Variants in OR4C13 observed in about 807,000 individuals in gnomAD.
The protein encoded by OR4C13 is olfactory receptor family 4 subfamily C member 13, also known as olfactory receptor 4C13.
In OR4C13, 23 loss-of-function variants were observed where a neutral mutation model predicts 14.7. That is an observed-to-expected ratio of 1.57 (90% CI 1.13 to 2.22). OR4C13 has a LOEUF of 2.22. Among genes scored for constraint, OR4C13 ranks in the 30% most tolerant of loss-of-function variants. OR4C13 has a pLI of 0.00. For synonymous variants in OR4C13, 178 were observed against 135.5 expected (o/e 1.31, Z -2.18); for missense variants, 504 against 368.6 (o/e 1.37, Z -3.01).
In OR4C13 at chr11:49,953,150, C is replaced by A. The variant is rs1223336473; in HGVS notation, c.728C>A (p.Thr243Lys). Residue 243 changes from threonine to lysine, a missense_variant, in exon 1 of 1, where the codon ACA becomes AAA. Coordinates refer to ENST00000555099, the MANE Select transcript of OR4C13 (RefSeq NM_001001955.2). ...CTCTCTACCTGTGTCTCCCACATCA[C>A]AGTTGTCATCTTATCCTTTATACCC... The part of the protein sequence containing the change: ...EALSTCVSHI[T>K]VVILSFIPCI... 6.2e-7 allele frequency: 1 copy of A among 1,613,774 alleles called. No homozygotes were observed. The highest frequency in any genetic ancestry group is 8.5e-7 in the Non-Finnish European group (1 of 1,179,702).
In OR4C13 at chr11:49,952,999, C is replaced by A; in HGVS notation, c.577C>A (p.Leu193Ile). 1 of 1,613,820 alleles carries A rather than the reference C, an allele frequency of 6.2e-7. No homozygotes were observed. Among genetic ancestry groups the A allele is most frequent in the Non-Finnish European group, 8.5e-7 (1 of 1,179,754 alleles). ...TCTTGCCTGCACTAATACCCACACT[C>A]TAGGACTCTTCATTGCTGCCAACAG... ...INLACTNTHTLGLFIAANSGF... is the reference protein window; with the variant it reads ...INLACTNTHTIGLFIAANSGF... The change falls in exon 1 of 1, where the codon CTA becomes ATA. Residue 193 changes from leucine (L) to isoleucine (I), a missense_variant. Leu to Ile is a conservative substitution (Grantham distance 5). Coordinates refer to ENST00000555099, the MANE Select transcript of OR4C13 (RefSeq NM_001001955.2).
rs781828746 is a variant in OR4C13, at chr11:49,952,937, T to C, written c.515T>C (p.Ile172Thr). ...CQLPFCGPNV[I>T]DHFMCDLYTL... Reference sequence around the variant, plus strand: ...TTACCTTTCTGTGGTCCTAATGTCATAGATCACTTTATGTGTGATCTCTAC... The same window carrying C: ...TTACCTTTCTGTGGTCCTAATGTCACAGATCACTTTATGTGTGATCTCTAC... The change falls in exon 1 of 1, where the codon ATA (isoleucine) becomes ACA (threonine). Residue 172 changes from isoleucine (I) to threonine (T), a missense_variant. Coordinates refer to ENST00000555099, the MANE Select transcript of OR4C13 (RefSeq NM_001001955.2). 1 of 1,613,826 alleles carries C rather than the reference T, an allele frequency of 6.2e-7. No homozygotes were observed.
rs1565189579 is a variant in OR4C13, at chr11:49,952,569, C to T, written c.147C>T (p.Ala49=). The T allele has an allele frequency of 3.1e-6, 5 of 1,613,856 alleles. No individual in the cohort carries two copies. Among genetic ancestry groups the T allele is most frequent in the Non-Finnish European group, 4.2e-6 (5 of 1,179,804 alleles). ...TGCTCATTGTGGTCACCATCACTGC[C>T]AGCCCATCACTGAGATCCCCCATGT... ...GNVLIVVTIT[A]SPSLRSPMYF... Residue 49 remains alanine, a synonymous_variant, in exon 1 of 1, where the codon GCC becomes GCT. Transcript: ENST00000555099.
chr11:49,953,167 T>C lies in OR4C13; in HGVS notation c.745T>C (p.Phe249Leu), dbSNP rs186324549. Residue 249 changes from phenylalanine (F) to leucine (L), a missense_variant, in exon 1 of 1, where the codon TTT (phenylalanine) becomes CTT (leucine). Coordinates refer to ENST00000555099, the MANE Select transcript of OR4C13 (RefSeq NM_001001955.2). Reference sequence around the variant, plus strand: ...CCACATCACAGTTGTCATCTTATCCTTTATACCCTGCATATTTGTGTACAT... The same window carrying C: ...CCACATCACAGTTGTCATCTTATCCCTTATACCCTGCATATTTGTGTACAT... ...VSHITVVILSFIPCIFVYMRP... is the reference protein window; with the variant it reads ...VSHITVVILSLIPCIFVYMRP... 1.2e-6 allele frequency: 2 copies of C among 1,613,828 alleles called. No individual in the cohort carries two copies. Among genetic ancestry groups the C allele is most frequent in the East Asian group, 2.2e-5 (1 of 44,868 alleles).
rs373230064 is a variant in OR4C13, at chr11:49,953,084, A to G, written c.662A>G (p.Tyr221Cys). Residue 221 changes from tyrosine to cysteine, a missense_variant, in exon 1 of 1, where the codon TAC (tyrosine) becomes TGC (cysteine). By Grantham distance (194) the Tyr-to-Cys change is radical. Coordinates refer to ENST00000555099, the MANE Select transcript of OR4C13 (RefSeq NM_001001955.2). ...LLLVSCVVILYSLKTHSLEAR... is the reference protein window; with the variant it reads ...LLLVSCVVILCSLKTHSLEAR... ...CTGGTCTCCTGCGTGGTCATACTGT[A>G]CTCCTTAAAGACCCACAGCTTAGAG... The G allele has an allele frequency of 6.2e-7, 1 of 1,613,380 alleles. No homozygotes were observed. Among genetic ancestry groups the G allele is most frequent in the South Asian group, 1.1e-5 (1 of 91,052 alleles).
rs1853669117 is a variant in OR4C13 at position 49,953,245 on chromosome 11, AT to A, written c.824del (p.Met275ArgfsTer2). ...IDKAVAVFYTMITSMLNPLIY... is the reference protein window; with the variant it reads ...IDKAVAVFYTXITSMLNPLIY... ...TAAAGCAGTTGCTGTATTCTACACT[AT>A]GATAACTTCTATGTTAAACCCCTTA... On this transcript the variant is annotated frameshift_variant, in exon 1 of 1. Coordinates refer to ENST00000555099, the MANE Select transcript of OR4C13 (RefSeq NM_001001955.2). LOFTEE classifies it high-confidence loss of function. 1 of 1,611,080 alleles carries A rather than the reference AT, an allele frequency of 6.2e-7. No individual in the cohort carries two copies. The highest frequency in any genetic ancestry group is 8.5e-7 in the Non-Finnish European group (1 of 1,178,502).
rs782320907 is a variant in OR4C13 at position 49,952,891 on chromosome 11, C to A, written c.469C>A (p.Gln157Lys). 1.9e-6 allele frequency: 3 copies of A among 1,613,854 alleles called. No homozygotes were observed. The highest frequency in any genetic ancestry group is 2.5e-6 in the Non-Finnish European group (3 of 1,179,790). Residue 157 changes from glutamine to lysine, a missense_variant, in exon 1 of 1, where the codon CAG becomes AAG. Transcript: ENST00000555099. ...AGGAGGCTTTCTTCATGCAACCATA[C>A]AGATCCTCTTCATCTGTCAATTACC... ...WVGGFLHATI[Q>K]ILFICQLPFC...
At position 49,953,068 on chromosome 11, in the gene OR4C13, T is replaced by C. The variant is rs782355634; in HGVS notation, c.646T>C (p.Cys216Arg). ...LLNCLLLLVS[C>R]VVILYSLKTH... ...AAACTGTCTCTTGCTCCTGGTCTCC[T>C]GCGTGGTCATACTGTACTCCTTAAA... is the stretch of plus-strand genomic sequence containing the variant. Residue 216 changes from cysteine to arginine, a missense_variant, in exon 1 of 1, where the codon TGC (cysteine) becomes CGC (arginine). Transcript: ENST00000555099. 2 of 1,613,952 alleles carry C rather than the reference T, an allele frequency of 1.2e-6. No homozygotes were observed. Among genetic ancestry groups the C allele is most frequent in the Non-Finnish European group, 1.7e-6 (2 of 1,179,864 alleles).
chr11:49,952,928 C>T lies in OR4C13; in HGVS notation c.506C>T (p.Pro169Leu), dbSNP rs782771140. The part of the protein sequence containing the change: ...LFICQLPFCG[P>L]NVIDHFMCDL... ...ATCTGTCAATTACCTTTCTGTGGTC[C>T]TAATGTCATAGATCACTTTATGTGT... Residue 169 changes from proline to leucine, a missense_variant, in exon 1 of 1, where the codon CCT becomes CTT. Pro to Leu is a moderately conservative substitution (Grantham distance 98, BLOSUM62 -3). Coordinates refer to ENST00000555099, the MANE Select transcript of OR4C13 (RefSeq NM_001001955.2). 8.1e-6 allele frequency: 13 copies of T among 1,613,910 alleles called. No individual in the cohort carries two copies. The highest frequency in any genetic ancestry group is 1.7e-5 in the Admixed American group (1 of 59,998).
Position 49,953,200 on chromosome 11 carries a change from C to G in OR4C13, c.778C>G (p.Pro260Ala). The G allele has an allele frequency of 1.2e-6, 2 of 1,613,358 alleles. No homozygotes were observed. Among genetic ancestry groups the G allele is most frequent in the South Asian group, 2.2e-5 (2 of 91,062 alleles). The change falls in exon 1 of 1, where the codon CCA (proline) becomes GCA (alanine). Residue 260 changes from proline (P) to alanine (A), a missense_variant. Coordinates refer to ENST00000555099, the MANE Select transcript of OR4C13 (RefSeq NM_001001955.2). Reference sequence around the variant, plus strand: ...CTGCATATTTGTGTACATGAGACCTCCAGCTACTTTACCCATTGATAAAGC... The same window carrying G: ...CTGCATATTTGTGTACATGAGACCTGCAGCTACTTTACCCATTGATAAAGC... ...IPCIFVYMRP[P>A]ATLPIDKAVA... is the part of the protein sequence containing the mutation.
In OR4C13 at chr11:49,952,592, T is replaced by C. The variant is rs554023729; in HGVS notation, c.170T>C (p.Met57Thr). 3.1e-6 allele frequency: 5 copies of C among 1,613,918 alleles called. No homozygotes were observed. Among genetic ancestry groups the C allele is most frequent in the African/African-American group, 1.3e-5 (1 of 75,030 alleles). The change falls in exon 1 of 1, where the codon ATG becomes ACG. Residue 57 changes from methionine to threonine, a missense_variant. By Grantham distance (81) the Met-to-Thr change is moderately conservative. Coordinates refer to ENST00000555099, the MANE Select transcript of OR4C13 (RefSeq NM_001001955.2). ...GCCAGCCCATCACTGAGATCCCCCA[T>C]GTACTTTTTCCTGGCCTATCTCTCC... ...ITASPSLRSP[M>T]YFFLAYLSFI...
Position 49,952,497 on chromosome 11 carries a change from A to C in OR4C13, c.75A>C (p.Ile25=). The C allele has an allele frequency of 6.2e-7, 1 of 1,613,522 alleles. No individual in the cohort carries two copies. ...AGAATCCAAAAATGCAGAAAATCAT[A>C]TTTGTTGTGTTTTCTGTCATCTACA... ...LTENPKMQKI[I]FVVFSVIYIN... The change falls in exon 1 of 1, where the codon ATA becomes ATC. Residue 25 remains isoleucine (I), a synonymous_variant. Coordinates refer to ENST00000555099, the MANE Select transcript of OR4C13 (RefSeq NM_001001955.2).
chr11:49,953,191 A>C lies in OR4C13; in HGVS notation c.769A>C (p.Met257Leu), dbSNP rs1162099443. Residue 257 changes from methionine (M) to leucine (L), a missense_variant, in exon 1 of 1, where the codon ATG (methionine) becomes CTG (leucine). Physicochemically the swap from Met to Leu is conservative, Grantham distance 15. Transcript: ENST00000555099. The part of the protein sequence containing the change: ...LSFIPCIFVY[M>L]RPPATLPIDK... ...CTTTATACCCTGCATATTTGTGTAC[A>C]TGAGACCTCCAGCTACTTTACCCAT... 1.2e-6 allele frequency: 2 copies of C among 1,613,564 alleles called. No individual in the cohort carries two copies. Among genetic ancestry groups the C allele is most frequent in the Non-Finnish European group, 1.7e-6 (2 of 1,179,658 alleles).
In OR4C13 at chr11:49,952,963, A is replaced by T. The variant is rs1403376122; in HGVS notation, c.541A>T (p.Thr181Ser). The change falls in exon 1 of 1, where the codon ACT (threonine) becomes TCT (serine). Residue 181 changes from threonine to serine, a missense_variant. Physicochemically the swap from Thr to Ser is moderately conservative, Grantham distance 58. Transcript: ENST00000555099. ...VIDHFMCDLY[T>S]LINLACTNTH... Reference sequence around the variant, plus strand: ...AGATCACTTTATGTGTGATCTCTACACTTTGATCAATCTTGCCTGCACTAA... The same window carrying T: ...AGATCACTTTATGTGTGATCTCTACTCTTTGATCAATCTTGCCTGCACTAA... 5 of 1,613,750 alleles carry T rather than the reference A, an allele frequency of 3.1e-6. No individual in the cohort carries two copies. The South Asian group carries it at 3.3e-5, about 11-fold the overall frequency.
chr11:49,952,566 T>C lies in OR4C13; in HGVS notation c.144T>C (p.Thr48=). The change falls in exon 1 of 1, where the codon ACT becomes ACC. Residue 48 remains threonine, a synonymous_variant. Transcript: ENST00000555099. Reference sequence around the variant, plus strand: ...ATGTGCTCATTGTGGTCACCATCACTGCCAGCCCATCACTGAGATCCCCCA... The same window carrying C: ...ATGTGCTCATTGTGGTCACCATCACCGCCAGCCCATCACTGAGATCCCCCA... The part of the protein sequence containing the change: ...IGNVLIVVTI[T]ASPSLRSPMY... 6.2e-7 allele frequency: 1 copy of C among 1,613,904 alleles called. No individual in the cohort carries two copies. The highest frequency in any genetic ancestry group is 8.5e-7 in the Non-Finnish European group (1 of 1,179,828).
chr11:49,953,070 C>G lies in OR4C13; in HGVS notation c.648C>G (p.Cys216Trp). ...ACTGTCTCTTGCTCCTGGTCTCCTG[C>G]GTGGTCATACTGTACTCCTTAAAGA... ...LLNCLLLLVSCVVILYSLKTH... is the reference protein window; with the variant it reads ...LLNCLLLLVSWVVILYSLKTH... Residue 216 changes from cysteine (C) to tryptophan (W), a missense_variant, in exon 1 of 1, where the codon TGC becomes TGG. Coordinates refer to ENST00000555099, the MANE Select transcript of OR4C13 (RefSeq NM_001001955.2). 6.2e-7 allele frequency: 1 copy of G among 1,613,880 alleles called. No individual in the cohort carries two copies. Among genetic ancestry groups the G allele is most frequent in the Non-Finnish European group, 8.5e-7 (1 of 1,179,854 alleles).
Position 49,952,408 on chromosome 11 carries a change from C to A in OR4C13, c.-15C>A, listed in dbSNP as rs782536777. 1.5e-5 allele frequency: 23 copies of A among 1,528,592 alleles called. No homozygotes were observed. Among genetic ancestry groups the A allele is most frequent in the Middle Eastern group, 1.7e-4 (1 of 5,820 alleles). The allele number at this position is 1,528,592 out of a possible 1,614,324, so 94.7% of individuals were successfully genotyped here. A position where few individuals can be genotyped will look rare whatever the true frequency, so the allele number is the denominator to read the frequency against. On this transcript the variant is annotated 5_prime_UTR_variant, in exon 1 of 1. Coordinates refer to ENST00000555099, the MANE Select transcript of OR4C13 (RefSeq NM_001001955.2). Reference sequence around the variant, plus strand: ...TTTCTTTTCAGGTAATGTAATTAACCATCATTTGAAATACATGGCGAATAG... The same window carrying A: ...TTTCTTTTCAGGTAATGTAATTAACAATCATTTGAAATACATGGCGAATAG...
rs149246983 is a variant in OR4C13, at chr11:49,952,975, C to G, written c.553C>G (p.Leu185Val). The G allele has an allele frequency of 1.3e-4, 207 of 1,613,844 alleles. 1 individual carries two copies. In the African/African-American group the frequency reaches 2.3e-3, roughly 18 times the overall value. ...FMCDLYTLIN[L>V]ACTNTHTLGL... is the part of the protein sequence containing the mutation. ...GTGTGATCTCTACACTTTGATCAATCTTGCCTGCACTAATACCCACACTCT... is the reference window on the plus strand; with the variant it reads ...GTGTGATCTCTACACTTTGATCAATGTTGCCTGCACTAATACCCACACTCT... The change falls in exon 1 of 1, where the codon CTT becomes GTT. Residue 185 changes from leucine (L) to valine (V), a missense_variant. Physicochemically the swap from Leu to Val is conservative, Grantham distance 32 (BLOSUM62 1). Transcript: ENST00000555099.
rs1431061630 is a variant in OR4C13 at position 49,952,611 on chromosome 11, T to A, written c.189T>A (p.Tyr63Ter). 10 of 1,613,824 alleles carry A rather than the reference T, an allele frequency of 6.2e-6. No homozygotes were observed. The Admixed American group carries it at 6.7e-5, about 11-fold the overall frequency. The change falls in exon 1 of 1, where the codon TAT becomes TAA. Residue 63 changes from tyrosine (Y) to a stop codon, truncating the protein, a stop_gained. Coordinates refer to ENST00000555099, the MANE Select transcript of OR4C13 (RefSeq NM_001001955.2). LOFTEE classifies it high-confidence loss of function. ...CCCCCATGTACTTTTTCCTGGCCTATCTCTCCTTTATTGATGCCTGCTATT... is the reference window on the plus strand; with the variant it reads ...CCCCCATGTACTTTTTCCTGGCCTAACTCTCCTTTATTGATGCCTGCTATT... Reference protein sequence around the residue: ...LRSPMYFFLAYLSFIDACYSS... With the variant: ...LRSPMYFFLA
Sources: gnomAD v4.1 joint callset for allele counts on GRCh38, gnomAD v4.1.1 for gene constraint, MANE v1.5 for transcripts, NCBI Gene and HGNC (gene_info 2026-07-23, HGNC 2026-07-21) for gene names.